Variants in VAC14 observed in about 807,000 individuals in gnomAD.
VAC14 encodes the protein VAC14 component of PIKFYVE complex, also known as protein VAC14 homolog.
A neutral mutation model predicts 85.3 loss-of-function variants in VAC14; 47 were observed. That is an observed-to-expected ratio of 0.55 (90% confidence interval 0.44 to 0.70). VAC14 has a LOEUF of 0.70. Ranked by LOEUF, VAC14 falls within the 30% of genes least tolerant of loss-of-function variation. The pLI, the probability that VAC14 is intolerant of heterozygous loss-of-function variation, is 0.00. For missense variants in VAC14, 861 were observed against 1,004.3 expected, an observed-to-expected ratio of 0.86 and a Z score of 1.93; for synonymous variants, 447 against 430.5, an observed-to-expected ratio of 1.04 and a Z score of -0.47.
intron 17 of VAC14, 135 bp from the exon 18 acceptor site, chr16:70,693,106 G>T: frequency 8.1e-7 from 1 of 1,229,616 alleles, no homozygotes; most frequent in Non-Finnish European, 1.1e-6. Context: ...GGACCCAGCT[G>T]TGTGGACCCA....
intron 1 of VAC14, among the ~76,000 whole-genome samples, chr16:70,792,538 C>T (rs2034383823): frequency 6.6e-6 from 1 of 152,236 alleles, no homozygotes; most frequent in Non-Finnish European, 1.5e-5. Flanking sequence ...GGGTTCTCAG[C>T]TGGCCAGTGG....
chr16:70,762,864 A>G lies in VAC14; in HGVS notation c.1305+17T>C. 6.2e-7 allele frequency: 1 copy of G among 1,614,084 alleles called. No individual in the cohort carries two copies. The highest frequency in any genetic ancestry group is 1.1e-5 in the South Asian group (1 of 91,052). On this transcript the variant is annotated intron_variant, in intron 11 of 18. Coordinates refer to ENST00000261776, the MANE Select transcript of VAC14 (RefSeq NM_018052.5). This position sits in a 1 kb window ranked among gnomAD's most constrained non-coding sequence, Gnocchi z 4.1. ...GACCCAGAAGAGGCCCCTGGCTTGG[A>G]GGGGCCCAGGGCTCACCTTCCGAGG...
chr16:70,751,272 T>C (rs567932517), intron 12 of VAC14, among the ~76,000 whole-genome samples: 1 of 152,362 alleles, frequency 6.6e-6, no homozygotes, highest in South Asian at 2.1e-4. Context: ...TCTCCAGGCC[T>C]GGCCAGGAAG....
chr16:70,697,474 G>A (rs913019784), intron 15 of VAC14, among the ~76,000 whole-genome samples: 1 of 152,250 alleles, frequency 6.6e-6, no homozygotes, highest in Non-Finnish European at 1.5e-5. Context: ...CAGTCCCAGA[G>A]CTGTGTGGTG....
chr16:70,703,169 C>T (rs568625118), intron 14 of VAC14, among the ~76,000 whole-genome samples: 27 of 152,368 alleles, frequency 1.8e-4, no homozygotes, highest in African/African-American at 6.3e-4. Flanking sequence ...AGCCCCAGCC[C>T]AGCTTGAGTT....
At chr16:70,706,317 G>A (rs1016294686) in intron 14 of VAC14, among the ~76,000 whole-genome samples, 2 of 152,226 alleles carry the variant, frequency 1.3e-5, no homozygotes, top group African/African-American at 4.8e-5. Flanking sequence ...TGGGCTGGGT[G>A]GACTCCACCG....
chr16:70,691,253 G>A (rs537870294), intron 18 of VAC14: 213 of 985,294 alleles, frequency 2.2e-4, no homozygotes, highest in Non-Finnish European at 2.5e-4. Context: ...GGAGAGGCTG[G>A]GCTGGCTCCC....
chr16:70,736,336 C>T (rs78242037), intron 13 of VAC14, among the ~76,000 whole-genome samples: 16,248 of 152,272 alleles, frequency 0.11, 1,045 homozygotes, highest in Middle Eastern at 0.19. Context: ...CAGAGCACTG[C>T]GCAGGGCAGA....
chr16:70,727,350 AT>A (rs1258431600), intron 14 of VAC14, among the ~76,000 whole-genome samples: 1 of 151,852 alleles, frequency 6.6e-6, no homozygotes, highest in Non-Finnish European at 1.5e-5. Context: ...ATTTTTATTT[AT>A]TTTTTTGAGA....
chr16:70,801,026 G>T lies in VAC14; in HGVS notation c.-126C>A. 1 of 569,030 alleles carries T rather than the reference G, an allele frequency of 1.8e-6. No homozygotes were observed. The highest frequency in any genetic ancestry group is 2.8e-6 in the Non-Finnish European group (1 of 352,524). The allele number at this position is 569,030 out of a possible 1,614,324, so 35.2% of individuals were successfully genotyped here. On this transcript the variant is annotated 5_prime_UTR_variant, in exon 1 of 19. Coordinates refer to ENST00000261776, the MANE Select transcript of VAC14 (RefSeq NM_018052.5). ...GCATGGACCACGCCGCTCTAGGCTT[G>T]CCTGCCACGCTCCGCCGCCTCGCCC...
chr16:70,743,282 G>A (rs116493220), intron 13 of VAC14, among the ~76,000 whole-genome samples: 56 of 152,336 alleles, frequency 3.7e-4, no homozygotes, highest in African/African-American at 1.3e-3. Context: ...TCAGTACTCT[G>A]TAAAATGGAC....
intron 12 of VAC14, among the ~76,000 whole-genome samples, chr16:70,760,376 G>C (rs2032228267): frequency 6.6e-6 from 1 of 152,148 alleles, no homozygotes; most frequent in Non-Finnish European, 1.5e-5. Context: ...CCATTGCCAA[G>C]TACACAGCAC....
chr16:70,755,598 GAC>G (rs754777468), intron 12 of VAC14, among the ~76,000 whole-genome samples: 1 of 152,236 alleles, frequency 6.6e-6, no homozygotes, highest in Non-Finnish European at 1.5e-5. Flanking sequence ...GATTCATTAA[GAC>G]ACAGATGCAA....
At chr16:70,800,628 T>C (rs1310276099) in intron 1 of VAC14, among the ~76,000 whole-genome samples, 169 bp downstream of exon 1, 1 of 151,908 alleles carries the variant, frequency 6.6e-6, no homozygotes, top group Non-Finnish European at 1.5e-5. Flanking sequence ...CAGTCAGGAG[T>C]AAAGCAGGGA....
chr16:70,783,309 A>G (rs981760543), intron 6 of VAC14, 136 bp downstream of exon 6: 30 of 1,071,816 alleles, frequency 2.8e-5, no homozygotes, highest in Non-Finnish European at 4.1e-5. Flanking sequence ...TTGGCTCCTC[A>G]AAGCGGGAAG....
At chr16:70,761,502 G>A (rs1363617491) in intron 12 of VAC14, among the ~76,000 whole-genome samples, 2 of 152,246 alleles carry the variant, frequency 1.3e-5, no homozygotes, top group African/African-American at 2.4e-5. Context: ...ATGGGCACGC[G>A]CAGCTGCAAA....
In VAC14 at chr16:70,796,556, T is replaced by C. The variant is rs533231599; in HGVS notation, c.104+4241A>G. Among the ~76,000 whole-genome samples the C allele has an allele frequency of 3.9e-5, 6 of 152,332 alleles. No individual in the cohort carries two copies. In the East Asian group the frequency reaches 5.8e-4, roughly 15 times the overall value. ...CTGAGTTTTCTTGCTAGGTTCTAGC[T>C]GTGAAACCATGGGAAGATTACTTAA... On this transcript the variant is annotated intron_variant, in intron 1 of 18. Transcript: ENST00000261776.
chr16:70,753,182 C>G (rs1008652991), intron 12 of VAC14, among the ~76,000 whole-genome samples: 2 of 152,128 alleles, frequency 1.3e-5, no homozygotes, highest in Non-Finnish European at 2.9e-5. Flanking sequence ...GTTGTCTGAT[C>G]GTGAAGATGA....
chr16:70,791,884 T>G (rs1456914848), intron 1 of VAC14, among the ~76,000 whole-genome samples: 1 of 151,920 alleles, frequency 6.6e-6, no homozygotes, highest in African/African-American at 2.4e-5. Flanking sequence ...GACATGGGAG[T>G]GCTTTGCAAA....
Sources: allele counts gnomAD v4.1 joint callset (sites outside exome capture counted in the v4.1 genomes callset), GRCh38; gene constraint gnomAD v4.1.1; non-coding constraint Gnocchi (gnomAD v3.1); transcripts MANE v1.5; gene names NCBI Gene and HGNC (gene_info 2026-07-23, HGNC 2026-07-21).